The following MECOM variants were observed in gnomAD, a reference collection of about 807,000 sequenced individuals.
MECOM encodes MDS1 and EVI1 complex locus.
In MECOM, 13 loss-of-function variants were observed where a neutral mutation model predicts 116.3. The ratio of observed to expected loss-of-function variants is 0.11; its 90% CI spans 0.07 to 0.18. The LOEUF (loss-of-function observed/expected upper bound fraction) is 0.18. MECOM is among the 10% of genes least tolerant of loss of function. The pLI is 1.00. For missense variants in MECOM, 1,299 were observed against 1,509.0 expected, an observed-to-expected ratio of 0.86 and a Z score of 2.31; for synonymous variants, 528 against 535.2, an observed-to-expected ratio of 0.99 and a Z score of 0.19.
At chr3:169,634,886 C>T (rs557914269) in intron 1 of MECOM, among the ~76,000 whole-genome samples, 11 of 152,046 alleles carry the variant, frequency 7.2e-5, no homozygotes, top group South Asian at 4.2e-4. Flanking sequence ...AAAGTAAACA[C>T]GGCTTCTTAA....
chr3:169,470,355 C>T (rs532745483), intron 1 of MECOM, among the ~76,000 whole-genome samples: 1 of 152,272 alleles, frequency 6.6e-6, no homozygotes, highest in South Asian at 2.1e-4. Context: ...GCAAGAATTC[C>T]AAAGATTTGT....
intron 2 of MECOM, among the ~76,000 whole-genome samples, chr3:169,279,065 G>GTCAT (rs1375589115): frequency 6.6e-6 from 1 of 152,192 alleles, no homozygotes; most frequent in Admixed American, 6.5e-5. Flanking sequence ...AGATTAAGAA[G>GTCAT]TCATTCATTC....
intron 1 of MECOM, among the ~76,000 whole-genome samples, chr3:169,568,356 C>T (rs989621061): frequency 1.3e-5 from 2 of 152,032 alleles, no homozygotes; most frequent in African/African-American, 4.8e-5. Flanking sequence ...GCACCTGGAA[C>T]CTCCGAGACA....
intron 1 of MECOM, among the ~76,000 whole-genome samples, chr3:169,519,762 A>G (rs981374169): frequency 2.6e-5 from 4 of 152,260 alleles, no homozygotes; most frequent in African/African-American, 9.6e-5. Flanking sequence ...TTAGTTGCTC[A>G]CTAAAACAAA....
chr3:169,391,012 C>G (rs891718408), intron 1 of MECOM, among the ~76,000 whole-genome samples: 1 of 152,180 alleles, frequency 6.6e-6, no homozygotes, highest in Non-Finnish European at 1.5e-5. Flanking sequence ...TCACAGCTGA[C>G]TTGATGCAGA....
At chr3:169,184,994 G>A (rs1324768446) in intron 2 of MECOM, among the ~76,000 whole-genome samples, 1 of 152,140 alleles carries the variant, frequency 6.6e-6, no homozygotes, top group Non-Finnish European at 1.5e-5. Flanking sequence ...CTAAATTCCA[G>A]CTTGAGAAAT....
At chr3:169,565,636 T>C (rs1763148327) in intron 1 of MECOM, among the ~76,000 whole-genome samples, 1 of 152,184 alleles carries the variant, frequency 6.6e-6, no homozygotes, top group East Asian at 1.9e-4. Flanking sequence ...AGCTTCCCAC[T>C]GACAATGTTG....
In MECOM at chr3:169,567,036, T is replaced by G. The variant is rs565612342; in HGVS notation, c.37+96300A>C. Reference sequence around the variant, plus strand: ...CAGATGGGCTTCTCATCTTCTAGTGTGTTGACGATGGTTTATGTCGTTGCC... The same window carrying G: ...CAGATGGGCTTCTCATCTTCTAGTGGGTTGACGATGGTTTATGTCGTTGCC... On this transcript the variant is annotated intron_variant, in intron 1 of 16. Coordinates refer to ENST00000651503, the MANE Select transcript of MECOM (RefSeq NM_004991.4). Among the ~76,000 whole-genome samples the G allele has an allele frequency of 7.2e-5, 11 of 152,352 alleles. No individual in the cohort carries two copies. In the South Asian group the frequency reaches 2.3e-3, roughly 32 times the overall value.
At chr3:169,169,587 T>G (rs1744101821) in intron 2 of MECOM, among the ~76,000 whole-genome samples, 1 of 152,092 alleles carries the variant, frequency 6.6e-6, no homozygotes. Flanking sequence ...TCAGTACCCA[T>G]GGAAAAGAAA....
intron 2 of MECOM, among the ~76,000 whole-genome samples, chr3:169,168,571 T>C (rs1743957578): frequency 6.6e-6 from 1 of 152,124 alleles, no homozygotes; most frequent in Admixed American, 6.6e-5. Flanking sequence ...AATACACTTC[T>C]TATACAGAAT....
chr3:169,349,067 A>T (rs1241212310), intron 2 of MECOM, among the ~76,000 whole-genome samples: 4 of 112,878 alleles, frequency 3.5e-5, no homozygotes, highest in South Asian at 2.9e-4. Context: ...CCTCCCTCTC[A>T]TCCTCCCCTT....
intron 2 of MECOM, among the ~76,000 whole-genome samples, chr3:169,296,388 G>A (rs759332912): frequency 1.3e-5 from 2 of 152,148 alleles, no homozygotes; most frequent in Admixed American, 1.3e-4. Flanking sequence ...GCTGGTGGAC[G>A]CAGAAGGAAG....
chr3:169,538,628 G>A (rs1359514478), intron 1 of MECOM, among the ~76,000 whole-genome samples: 1 of 152,130 alleles, frequency 6.6e-6, no homozygotes, highest in East Asian at 1.9e-4. Context: ...GTGACATTTA[G>A]CAAATCATGA....
At chr3:169,178,603 T>C (rs775874202) in intron 2 of MECOM, among the ~76,000 whole-genome samples, 7 of 152,170 alleles carry the variant, frequency 4.6e-5, no homozygotes, top group Non-Finnish European at 1.0e-4. Context: ...CAAGATAATG[T>C]TCACCAGCCC....
chr3:169,635,122 G>A (rs995820086), intron 1 of MECOM, among the ~76,000 whole-genome samples: 5 of 152,192 alleles, frequency 3.3e-5, no homozygotes, highest in Admixed American at 3.3e-4. Context: ...TCAGAGCACA[G>A]CATCAAGCCA....
intron 2 of MECOM, among the ~76,000 whole-genome samples, chr3:169,259,659 G>A (rs2149607160): frequency 6.6e-6 from 1 of 152,280 alleles, no homozygotes; most frequent in African/African-American, 2.4e-5. Context: ...ACCCCAGAAG[G>A]TCAAGCTGCA....
At chr3:169,581,906 C>T (rs1007809512) in intron 1 of MECOM, among the ~76,000 whole-genome samples, 1 of 152,158 alleles carries the variant, frequency 6.6e-6, no homozygotes, top group African/African-American at 2.4e-5. Context: ...TAATGGGCTG[C>T]AATTGCAAGT....
At chr3:169,236,622 G>A (rs1188519848) in intron 2 of MECOM, among the ~76,000 whole-genome samples, 2 of 152,048 alleles carry the variant, frequency 1.3e-5, no homozygotes, top group East Asian at 1.9e-4. Context: ...CCCAAATTTG[G>A]ATGTTTTGTA....
At chr3:169,483,202 A>ATTT (rs200735642) in intron 1 of MECOM, among the ~76,000 whole-genome samples, 1,658 of 102,846 alleles carry the variant, frequency 0.016, 40 homozygotes, top group African/African-American at 0.055. Flanking sequence ...TTTTATTTTT[A>ATTT]TTTTTTTTTT....
Sources: allele counts gnomAD v4.1 joint callset (sites outside exome capture counted in the v4.1 genomes callset), GRCh38; gene constraint gnomAD v4.1.1; transcripts MANE v1.5; gene names NCBI Gene and HGNC (gene_info 2026-07-23, HGNC 2026-07-21).